Variants in HAUS8 observed in about 807,000 individuals in gnomAD.
HAUS8 encodes the protein HAUS augmin-like complex subunit 8.
A neutral mutation model predicts 42.9 loss-of-function variants in HAUS8; 38 were observed. The ratio of observed to expected loss-of-function variants is 0.89; its 90% CI spans 0.68 to 1.16. The LOEUF is 1.16. Ranked by LOEUF, HAUS8 falls within the 50% of genes most tolerant of loss-of-function variation. HAUS8 has a pLI of 0.00. For missense variants in HAUS8, 494 were observed against 511.6 expected (o/e 0.97, Z 0.33); for synonymous variants, 199 against 205.8 (o/e 0.97, Z 0.28).
rs2123367596 is a variant in HAUS8, at chr19:17,058,641, TCTC to T, written c.550_552del (p.Glu184del). 1 of 1,613,762 alleles carries T rather than the reference TCTC, an allele frequency of 6.2e-7. No individual in the cohort carries two copies. The highest frequency in any genetic ancestry group is 2.2e-5 in the East Asian group (1 of 44,880). ...TGGGCCTTTTTCTGTAGCTTCTCCT[TCTC>T]CTTACACATTATTAATAAATTCTTT... On this transcript the variant is annotated inframe_deletion, in exon 8 of 11. Coordinates refer to ENST00000253669, the MANE Select transcript of HAUS8 (RefSeq NM_033417.2).
chr19:17,059,145 G>A (rs1156398230), intron 6 of HAUS8, among the ~76,000 whole-genome samples: 1 of 152,196 alleles, frequency 6.6e-6, no homozygotes, highest in African/African-American at 2.4e-5. Flanking sequence ...AGGACAAGCT[G>A]AGAATACCCA....
In HAUS8 at chr19:17,075,399, G is replaced by T. The variant is rs763019768; in HGVS notation, c.24C>A (p.Gly8=). The T allele has an allele frequency of 1.2e-6, 2 of 1,613,864 alleles. No individual in the cohort carries two copies. The highest frequency in any genetic ancestry group is 1.7e-6 in the Non-Finnish European group (2 of 1,179,906). The change falls in exon 1 of 11, where the codon GGC becomes GGA. Residue 8 remains glycine, a synonymous_variant. Coordinates refer to ENST00000253669, the MANE Select transcript of HAUS8 (RefSeq NM_033417.2). The part of the protein sequence containing the change: MADSSGR[G]AGKPATGPTN... ...CTGCGGAAGCCCCAACTCACCCAGC[G>T]CCTCGCCCCGAGGAATCCGCCATTT...
intron 10 of HAUS8, among the ~76,000 whole-genome samples, chr19:17,050,766 C>T (rs1027457078): frequency 6.6e-6 from 1 of 151,934 alleles, no homozygotes; most frequent in Non-Finnish European, 1.5e-5. Context: ...CGTGGTGGAA[C>T]GCACCTGTAA....
Position 17,049,782 on chromosome 19 carries a change from C to T in HAUS8, c.*91G>A, listed in dbSNP as rs993255259. The T allele has an allele frequency of 1.5e-5, 17 of 1,137,944 alleles. No individual in the cohort carries two copies. In the African/African-American group the frequency reaches 2.6e-4, roughly 17 times the overall value. 70.5% of individuals were successfully genotyped at this position (1,137,944 alleles called of 1,614,324 possible). A position where few individuals can be genotyped will look rare whatever the true frequency, so the allele number is the denominator to read the frequency against. On this transcript the variant is annotated 3_prime_UTR_variant, in exon 11 of 11. Coordinates refer to ENST00000253669, the MANE Select transcript of HAUS8 (RefSeq NM_033417.2). ...AGGCTTCAATTGCAAAACAGGTTTA[C>T]TTTTTTATCAAACAAGATTATCACA...
At chr19:17,071,834 T>C (rs1381923932) in intron 2 of HAUS8, among the ~76,000 whole-genome samples, 3 of 151,942 alleles carry the variant, frequency 2.0e-5, no homozygotes, top group African/African-American at 7.3e-5. Context: ...CTGTCTCTAC[T>C]AAAAATACAA....
At chr19:17,052,792 G>A (rs372145899) in intron 10 of HAUS8, 33 bp downstream of exon 10, 105 of 1,613,342 alleles carry the variant, frequency 6.5e-5, no homozygotes, top group Non-Finnish European at 8.2e-5. Flanking sequence ...CAAACAGGGT[G>A]CCACCTCTTT....
chr19:17,073,114 C>T (rs751349834), intron 2 of HAUS8, among the ~76,000 whole-genome samples, 160 bp downstream of exon 2: 8 of 152,156 alleles, frequency 5.3e-5, no homozygotes, highest in Non-Finnish European at 1.0e-4. Flanking sequence ...ACACAGCCCT[C>T]GCCACAGGGC....
intron 9 of HAUS8, 24 bp from the exon 10 acceptor site, chr19:17,052,990 G>A: frequency 6.2e-7 from 1 of 1,614,042 alleles, no homozygotes; most frequent in Non-Finnish European, 8.5e-7. Flanking sequence ...GGGATGGTGG[G>A]CGATGGATGG....
chr19:17,075,467 G>C (rs368359670), upstream of HAUS8: 7 of 1,609,648 alleles, frequency 4.3e-6, no homozygotes, highest in African/African-American at 9.3e-5. Context: ...GCTTTTCAAA[G>C]CCGGACCCGC....
chr19:17,054,484 G>A (rs528728556), intron 9 of HAUS8, among the ~76,000 whole-genome samples: 3 of 130,844 alleles, frequency 2.3e-5, no homozygotes, highest in East Asian at 2.2e-4. Context: ...GCCACACCTC[G>A]TCTCTACAAA....
Position 17,065,779 on chromosome 19 carries a change from G to A in HAUS8, c.148-3000C>T, listed in dbSNP as rs935289512. Among the ~76,000 whole-genome samples the A allele has an allele frequency of 5.3e-5, 8 of 150,152 alleles. No homozygotes were observed. In the East Asian group the frequency reaches 5.9e-4, roughly 11 times the overall value. ...GCAGAGGTTGCAGTGAGCCAAGATC[G>A]CACCACTGCATTCCAGACTGGGCGA... On this transcript the variant is annotated intron_variant, in intron 3 of 10. Coordinates refer to ENST00000253669, the MANE Select transcript of HAUS8 (RefSeq NM_033417.2).
intron 3 of HAUS8, among the ~76,000 whole-genome samples, chr19:17,065,951 C>G (rs759583596): frequency 6.8e-6 from 1 of 147,016 alleles, no homozygotes; most frequent in Non-Finnish European, 1.5e-5. Flanking sequence ...CCATATCTCA[C>G]TCTACACATC....
chr19:17,054,251 G>A (rs748503516), intron 9 of HAUS8, among the ~76,000 whole-genome samples: 14 of 152,100 alleles, frequency 9.2e-5, no homozygotes, highest in East Asian at 3.9e-4. Context: ...TGGCAGCCCC[G>A]GAAAACTCAA....
chr19:17,057,147 C>G (rs2057331527), intron 8 of HAUS8, among the ~76,000 whole-genome samples: 2 of 152,014 alleles, frequency 1.3e-5, no homozygotes, highest in Non-Finnish European at 2.9e-5. Flanking sequence ...GTCCAGAGTT[C>G]GAGACCAGCC....
intron 1 of HAUS8, chr19:17,075,162 C>A: frequency 1.8e-6 from 1 of 549,192 alleles, no homozygotes; most frequent in East Asian, 3.0e-5. Flanking sequence ...GGCCGCTTGC[C>A]GGAGGTCGCC....
intron 9 of HAUS8, among the ~76,000 whole-genome samples, chr19:17,055,381 G>A (rs1465944262): frequency 1.4e-5 from 2 of 144,090 alleles, no homozygotes; most frequent in Non-Finnish European, 3.0e-5. Flanking sequence ...CTCCAGGGTA[G>A]CCAAAAACTT....
intron 10 of HAUS8, chr19:17,051,682 T>TC (rs1430416333): frequency 6.9e-6 from 1 of 145,162 alleles, no homozygotes; most frequent in Non-Finnish European, 1.5e-5. Flanking sequence ...TTTTTTTTTT[T>TC]CCTGAGACAG....
At chr19:17,073,829 C>A (rs924387058) in intron 1 of HAUS8, 22 of 166,876 alleles carry the variant, frequency 1.3e-4, no homozygotes, top group Non-Finnish European at 2.7e-4. Context: ...ATGGTGAAAC[C>A]CCATCTCTAC....
chr19:17,068,315 T>C (rs1236177529), intron 3 of HAUS8, among the ~76,000 whole-genome samples: 2 of 152,114 alleles, frequency 1.3e-5, no homozygotes, highest in Non-Finnish European at 2.9e-5. Flanking sequence ...GGTTTCGCCA[T>C]GTTGGCCAGG....
Sources: gnomAD v4.1 joint callset for allele counts (sites outside exome capture counted in the v4.1 genomes callset) on GRCh38, gnomAD v4.1.1 for gene constraint, MANE v1.5 for transcripts, NCBI Gene and HGNC (gene_info 2026-07-23, HGNC 2026-07-21) for gene names.